FBXO6: variants seen among roughly 807,000 people sequenced by gnomAD.
The protein encoded by FBXO6 is F-box only protein 6.
A neutral mutation model predicts 25.0 loss-of-function variants in FBXO6; 13 were observed. That is an observed-to-expected ratio of 0.52 (90% CI 0.34 to 0.83). The LOEUF (loss-of-function observed/expected upper bound fraction) is 0.83. Ranked by LOEUF, FBXO6 falls within the 40% of genes least tolerant of loss-of-function variation. The pLI is 0.02. For missense variants in FBXO6, 370 were observed against 380.2 expected (o/e 0.97, Z 0.22); for synonymous variants, 138 against 155.3 (o/e 0.89, Z 0.83).
chr1:11,664,457 T>C (rs1640339712), intron 1 of FBXO6: 1 of 113,872 alleles, frequency 8.8e-6, no homozygotes, highest in Non-Finnish European at 1.7e-5. Flanking sequence ...GGCGGGCGAG[T>C]GGGGAGCCGG....
In FBXO6 at chr1:11,668,861, G is replaced by A. The variant is rs1640522978; in HGVS notation, c.203G>A (p.Trp68Ter). 3.1e-6 allele frequency: 5 copies of A among 1,614,062 alleles called. No individual in the cohort carries two copies. Among genetic ancestry groups the A allele is most frequent in the South Asian group, 1.1e-5 (1 of 91,092 alleles). Residue 68 changes from tryptophan (W) to a stop codon, truncating the protein, a stop_gained, in exon 2 of 6, where the codon TGG becomes TAG. Coordinates refer to ENST00000376753, the MANE Select transcript of FBXO6 (RefSeq NM_018438.6). LOFTEE classifies it high-confidence loss of function. ...CLREGFITKD[W>*]DQPVADWKIF... is the part of the protein sequence containing the mutation. ...CGAGAGGGCTTCATCACCAAGGACTGGGACCAGCCCGTGGCCGACTGGAAA... is the reference window on the plus strand; with the variant it reads ...CGAGAGGGCTTCATCACCAAGGACTAGGACCAGCCCGTGGCCGACTGGAAA...
chr1:11,665,177 TG>T (rs1382632977), intron 1 of FBXO6, among the ~76,000 whole-genome samples: 1 of 147,188 alleles, frequency 6.8e-6, no homozygotes, highest in East Asian at 2.0e-4. Context: ...CCTGCATAGC[TG>T]GGACTACAGG....
intron 1 of FBXO6, 135 bp from the exon 2 acceptor site, chr1:11,668,521 C>G (rs1320666200): frequency 3.1e-5 from 35 of 1,130,820 alleles, no homozygotes; most frequent in Non-Finnish European, 4.2e-5. Flanking sequence ...CTCAGCCTCC[C>G]AAGTACCTGG....
At chr1:11,671,050 G>A (rs1640603065) in intron 2 of FBXO6, among the ~76,000 whole-genome samples, 1 of 152,132 alleles carries the variant, frequency 6.6e-6, no homozygotes, top group Non-Finnish European at 1.5e-5. Flanking sequence ...CACTTGGGCT[G>A]GTGGGGTACC....
chr1:11,669,173 G>A (rs1051582278), intron 2 of FBXO6, among the ~76,000 whole-genome samples: 1 of 152,184 alleles, frequency 6.6e-6, no homozygotes, highest in African/African-American at 2.4e-5. Context: ...TTCATGCCCT[G>A]TAACACTTTT....
chr1:11,670,063 A>C (rs1052767865), intron 2 of FBXO6, among the ~76,000 whole-genome samples: 1 of 150,970 alleles, frequency 6.6e-6, no homozygotes, highest in East Asian at 2.0e-4. Context: ...ATGTAAAAAA[A>C]TTAGCTGGGC....
At chr1:11,671,842 G>C in intron 3 of FBXO6, 86 bp from the exon 4 acceptor site, 1 of 1,229,652 alleles carries the variant, frequency 8.1e-7, no homozygotes, top group Admixed American at 1.8e-5. Context: ...ACCTCCCTGG[G>C]CTCACAGGGG....
At chr1:11,665,851 A>G (rs3117066) in intron 1 of FBXO6, among the ~76,000 whole-genome samples, 83,271 of 151,572 alleles carry the variant, frequency 0.55, 23,593 homozygotes, top group African/African-American at 0.68. Flanking sequence ...GAGTCTGTGC[A>G]CCCGACCTAA....
chr1:11,671,974 T>C lies in FBXO6; in HGVS notation c.460T>C (p.Trp154Arg), dbSNP rs767628120. 4 of 1,614,090 alleles carry C rather than the reference T, an allele frequency of 2.5e-6. No individual in the cohort carries two copies. The African/African-American group carries it at 4.0e-5, about 16-fold the overall frequency. ...GGTGGACCTTGTAGCCGAGGGCTACTGGGAGGAGCTACTAGACACATTCCG... is the reference window on the plus strand; with the variant it reads ...GGTGGACCTTGTAGCCGAGGGCTACCGGGAGGAGCTACTAGACACATTCCG... Reference protein sequence around the residue: ...QLVDLVAEGYWEELLDTFRPD... With the variant: ...QLVDLVAEGYREELLDTFRPD... The change falls in exon 4 of 6, where the codon TGG (tryptophan) becomes CGG (arginine). Residue 154 changes from tryptophan (W) to arginine (R), a missense_variant. By Grantham distance (101) the Trp-to-Arg change is moderately radical. Coordinates refer to ENST00000376753, the MANE Select transcript of FBXO6 (RefSeq NM_018438.6).
In FBXO6 at chr1:11,671,967, G is replaced by A; in HGVS notation, c.453G>A (p.Glu151=). The change falls in exon 4 of 6, where the codon GAG becomes GAA. Residue 151 remains glutamate, a synonymous_variant. Coordinates refer to ENST00000376753, the MANE Select transcript of FBXO6 (RefSeq NM_018438.6). ...LKSQLVDLVA[E]GYWEELLDTF... ...CCCAGCTGGTGGACCTTGTAGCCGA[G>A]GGCTACTGGGAGGAGCTACTAGACA... 2 of 1,614,188 alleles carry A rather than the reference G, an allele frequency of 1.2e-6. No homozygotes were observed. The highest frequency in any genetic ancestry group is 2.7e-5 in the African/African-American group (2 of 75,058).
In FBXO6 at chr1:11,673,707, T is replaced by C. The variant is rs1430217523; in HGVS notation, c.738T>C (p.Tyr246=). The C allele has an allele frequency of 5.0e-6, 8 of 1,614,034 alleles. No individual in the cohort carries two copies. Among genetic ancestry groups the C allele is most frequent in the Non-Finnish European group, 6.8e-6 (8 of 1,180,012 alleles). Residue 246 remains tyrosine (Y), a synonymous_variant, in exon 6 of 6, where the codon TAT becomes TAC. Transcript: ENST00000376753. The surrounding 1 kb of genome is among the most constrained non-coding windows in gnomAD (Gnocchi z 4.3). The part of the protein sequence containing the change: ...GRDTQYWAGW[Y]GPRVTNSSIV... ...ACACCCAGTACTGGGCAGGCTGGTA[T>C]GGGCCCCGAGTCACCAACAGCAGCA...
chr1:11,669,802 A>C (rs1640564548), intron 2 of FBXO6, among the ~76,000 whole-genome samples: 1 of 150,008 alleles, frequency 6.7e-6, no homozygotes, highest in Non-Finnish European at 1.5e-5. Context: ...ATGCCCAGCT[A>C]ATTTTTGTAC....
intron 4 of FBXO6, 44 bp downstream of exon 4, chr1:11,672,067 C>G: frequency 6.6e-7 from 1 of 1,518,918 alleles, no homozygotes. Flanking sequence ...CTACATGCTC[C>G]TCTTACTGCG....
chr1:11,673,274 C>T lies in FBXO6; in HGVS notation c.510-3C>T, dbSNP rs201399659. 3.5e-5 allele frequency: 57 copies of T among 1,611,214 alleles called. No homozygotes were observed. The highest frequency in any genetic ancestry group is 4.5e-5 in the Non-Finnish European group (53 of 1,178,620). On this transcript the variant is annotated splice_region_variant and splice_polypyrimidine_tract_variant and intron_variant, in intron 4 of 5. Coordinates refer to ENST00000376753, the MANE Select transcript of FBXO6 (RefSeq NM_018438.6). This position sits in a 1 kb window ranked among gnomAD's most constrained non-coding sequence, Gnocchi z 4.3. ...GACACAGGGCTCTCAACCCCTCCAC[C>T]AGGTTTGCTGCCAGAGCCGACTGTG... is the stretch of plus-strand genomic sequence containing the variant.
rs1240296577 is a variant in FBXO6, at chr1:11,671,324, C to T, written c.345C>T (p.Ser115=). 6.2e-7 allele frequency: 1 copy of T among 1,614,084 alleles called. No individual in the cohort carries two copies. The highest frequency in any genetic ancestry group is 8.5e-7 in the Non-Finnish European group (1 of 1,179,968). ...GTGGGGACCGCTGGAAGGTGGAGAGCCTCCCTGGAGCCCACGGGACAGATT... is the reference window on the plus strand; with the variant it reads ...GTGGGGACCGCTGGAAGGTGGAGAGTCTCCCTGGAGCCCACGGGACAGATT... ...FNGGDRWKVE[S]LPGAHGTDFP... The change falls in exon 3 of 6, where the codon AGC becomes AGT. Residue 115 remains serine, a synonymous_variant. Transcript: ENST00000376753.
chr1:11,664,618 C>G (rs1640348227), intron 1 of FBXO6: 2 of 152,094 alleles, frequency 1.3e-5, no homozygotes, highest in South Asian at 4.1e-4. Flanking sequence ...CCACCCCGGC[C>G]ACATCCCGAG....
chr1:11,664,658 G>A (rs1221418637), intron 1 of FBXO6: 2 of 152,250 alleles, frequency 1.3e-5, no homozygotes, highest in Admixed American at 6.5e-5. Context: ...AACTGTCAAG[G>A]GACCTCCAGG....
intron 1 of FBXO6, among the ~76,000 whole-genome samples, chr1:11,665,749 C>T (rs138365095): frequency 0.024 from 3,572 of 150,736 alleles, 178 homozygotes; most frequent in African/African-American, 0.082. Flanking sequence ...TTAGTAGAGA[C>T]GGGGTTTCGC....
At chr1:11,671,217 G>A (rs371466534) in intron 2 of FBXO6, 49 bp from the exon 3 acceptor site, 1 of 1,598,388 alleles carries the variant, frequency 6.3e-7, no homozygotes, top group African/African-American at 1.3e-5. Flanking sequence ...GGGAGGGCTG[G>A]ACTTTGGATT....
Sources: gnomAD v4.1 joint callset for allele counts (sites outside exome capture counted in the v4.1 genomes callset) on GRCh38, gnomAD v4.1.1 for gene constraint, Gnocchi (gnomAD v3.1) non-coding constraint, MANE v1.5 for transcripts, NCBI Gene and HGNC (gene_info 2026-07-23, HGNC 2026-07-21) for gene names.